Variants in MICAL3 observed in about 807,000 individuals in gnomAD.
MICAL3 encodes microtubule associated monooxygenase, calponin and LIM domain containing 3.
In MICAL3, 62 loss-of-function variants were observed where a neutral mutation model predicts 207.4. That is an observed-to-expected ratio of 0.30 (90% CI 0.24 to 0.37). MICAL3 has a LOEUF of 0.37. MICAL3 is among the 10% of genes least tolerant of loss of function. The pLI, the probability that MICAL3 is intolerant of heterozygous loss-of-function variation, is 1.00. For missense variants in MICAL3, 2,368 were observed against 2,635.6 expected (o/e 0.90, Z 2.22); for synonymous variants, 1,077 against 1,069.3 (o/e 1.01, Z -0.14).
chr22:17,889,500 G>A (rs1930221262), intron 12 of MICAL3, among the ~76,000 whole-genome samples: 1 of 152,176 alleles, frequency 6.6e-6, no homozygotes, highest in Non-Finnish European at 1.5e-5. Flanking sequence ...CATTTTTCTA[G>A]TAACACAAAT....
At chr22:17,992,782 T>C (rs1401219651) in intron 1 of MICAL3, among the ~76,000 whole-genome samples, 1 of 152,208 alleles carries the variant, frequency 6.6e-6, no homozygotes, top group East Asian at 1.9e-4. Context: ...CCTCTTCCTT[T>C]TGCTCCCTGA....
At chr22:17,976,974 T>C (rs1272088094) in intron 1 of MICAL3, among the ~76,000 whole-genome samples, 1 of 151,728 alleles carries the variant, frequency 6.6e-6, no homozygotes, top group Non-Finnish European at 1.5e-5. Context: ...GCCCGGCTAA[T>C]TTTTTGTATT....
chr22:17,901,912 G>C lies in MICAL3; in HGVS notation c.657C>G (p.Ile219Met). 1 of 1,613,786 alleles carries C rather than the reference G, an allele frequency of 6.2e-7. No individual in the cohort carries two copies. The highest frequency in any genetic ancestry group is 8.5e-7 in the Non-Finnish European group (1 of 1,179,834). The change falls in exon 5 of 32, where the codon ATC becomes ATG. Residue 219 changes from isoleucine (I) to methionine (M), a missense_variant. Around this residue, in one of 4 missense-constraint regions of MICAL3, gnomAD observed 400 missense variants for 547.0 expected, o/e 0.73. Transcript: ENST00000441493. ...HPVSEYEFEV[I>M]IGGDGRRNTL... ...TGTTCCTCCGACCATCCCCACCGATGATCACTTCAAATTCATACTCTGACA... is the reference window on the plus strand; with the variant it reads ...TGTTCCTCCGACCATCCCCACCGATCATCACTTCAAATTCATACTCTGACA...
intron 19 of MICAL3, among the ~76,000 whole-genome samples, chr22:17,843,024 A>G (rs914848159): frequency 2.7e-5 from 4 of 150,042 alleles, no homozygotes; most frequent in Admixed American, 1.3e-4. Context: ...GGGAGGCTGA[A>G]GCAGGAGAAT....
intron 19 of MICAL3, among the ~76,000 whole-genome samples, chr22:17,844,125 C>T (rs1569091271): frequency 6.6e-6 from 1 of 152,150 alleles, no homozygotes; most frequent in South Asian, 2.1e-4. Context: ...GGATTACAAG[C>T]GGGAGCCACC....
chr22:17,986,156 C>T (rs1463394798), intron 1 of MICAL3, among the ~76,000 whole-genome samples: 2 of 152,202 alleles, frequency 1.3e-5, no homozygotes, highest in African/African-American at 4.8e-5. Flanking sequence ...CCACACACCT[C>T]GGCCTCCCAA....
intron 1 of MICAL3, among the ~76,000 whole-genome samples, chr22:17,963,827 TG>T (rs1454383321): frequency 6.6e-6 from 1 of 152,184 alleles, no homozygotes; most frequent in African/African-American, 2.4e-5. Flanking sequence ...TAAGATGCCC[TG>T]GTGCAGACAA....
rs1265253338 is a variant in MICAL3 at position 17,816,743 on chromosome 22, C to T, written c.5392G>A (p.Asp1798Asn). The T allele has an allele frequency of 6.4e-7, 1 of 1,552,186 alleles. No individual in the cohort carries two copies. Among genetic ancestry groups the T allele is most frequent in the South Asian group, 1.2e-5 (1 of 84,086 alleles). Residue 1798 changes from aspartate (D) to asparagine (N), a missense_variant, in exon 27 of 32, where the codon GAC (aspartate) becomes AAC (asparagine). By Grantham distance (23) the Asp-to-Asn change is conservative (BLOSUM62 1). Coordinates refer to ENST00000441493, the MANE Select transcript of MICAL3 (RefSeq NM_015241.3). The stretch of plus-strand genomic sequence containing the variant: ...TCAAGGACATCGTCGCTGGAGAGGT[C>T]TGAGTCCTCGGAGAAGCTCAGCTGG... The part of the protein sequence containing the change: ...RRQLSFSEDS[D>N]LSSDDVLEKS...
chr22:17,969,199 C>T (rs1271779543), intron 1 of MICAL3, among the ~76,000 whole-genome samples: 1 of 152,138 alleles, frequency 6.6e-6, no homozygotes, highest in Non-Finnish European at 1.5e-5. Flanking sequence ...GCCACCACAC[C>T]CAGCTAATTT....
At chr22:17,928,887 C>T (rs190723938) in intron 1 of MICAL3, among the ~76,000 whole-genome samples, 20 of 151,904 alleles carry the variant, frequency 1.3e-4, no homozygotes, top group African/African-American at 3.4e-4. Flanking sequence ...CTCCACCTCC[C>T]GGGTTCACGC....
At chr22:17,912,244 T>G (rs561529949) in intron 1 of MICAL3, among the ~76,000 whole-genome samples, 1 of 152,206 alleles carries the variant, frequency 6.6e-6, no homozygotes, top group Non-Finnish European at 1.5e-5. Context: ...TATAGCTTTA[T>G]AGTAAGTTTT....
intron 17 of MICAL3, among the ~76,000 whole-genome samples, chr22:17,867,607 C>T (rs771876565): frequency 5.3e-5 from 8 of 152,200 alleles, no homozygotes; most frequent in Non-Finnish European, 5.9e-5. Context: ...TGACCCAGGC[C>T]GCTCGGCAAC....
At chr22:17,821,860 G>A (rs1921684806) in intron 24 of MICAL3, among the ~76,000 whole-genome samples, 170 bp downstream of exon 24, 1 of 152,256 alleles carries the variant, frequency 6.6e-6, no homozygotes, top group African/African-American at 2.4e-5. Flanking sequence ...AGCAGCCTGT[G>A]GCACAGGGAG....
At chr22:17,978,415 G>C (rs986074067) in intron 1 of MICAL3, among the ~76,000 whole-genome samples, 9 of 152,178 alleles carry the variant, frequency 5.9e-5, no homozygotes, top group African/African-American at 1.7e-4. Flanking sequence ...TAACTCCTAT[G>C]GGTACAAGGC....
At chr22:17,997,898 T>C (rs1922472938) in intron 1 of MICAL3, among the ~76,000 whole-genome samples, 1 of 150,418 alleles carries the variant, frequency 6.6e-6, no homozygotes, top group South Asian at 2.1e-4. Context: ...AAAAGCACAA[T>C]GATCTGGTAT....
intron 1 of MICAL3, among the ~76,000 whole-genome samples, chr22:17,950,419 A>C (rs888521255): frequency 3.1e-5 from 4 of 130,518 alleles, no homozygotes; most frequent in African/African-American, 1.1e-4. Flanking sequence ...GGTTCACTGC[A>C]ACCTCCGCCT....
At chr22:17,860,728 T>C in intron 19 of MICAL3, 1 of 985,410 alleles carries the variant, frequency 1.0e-6, no homozygotes, top group Non-Finnish European at 1.2e-6. Flanking sequence ...CCTAGTCTGC[T>C]CTTGGGGCCC....
At chr22:17,992,563 G>A (rs1602365625) in intron 1 of MICAL3, among the ~76,000 whole-genome samples, 1 of 152,054 alleles carries the variant, frequency 6.6e-6, no homozygotes, top group South Asian at 2.1e-4. Flanking sequence ...CAATAAATGT[G>A]CTGAAAAAAG....
intron 1 of MICAL3, among the ~76,000 whole-genome samples, chr22:18,011,895 A>T (rs527597314): frequency 6.6e-6 from 1 of 150,428 alleles, no homozygotes; most frequent in Admixed American, 6.6e-5. Flanking sequence ...CTGTCTCAAA[A>T]AATAATAATA....
Sources: allele counts gnomAD v4.1 joint callset (sites outside exome capture counted in the v4.1 genomes callset), GRCh38; gene constraint gnomAD v4.1.1; regional missense constraint gnomAD v4.1.1; transcripts MANE v1.5; gene names NCBI Gene and HGNC (gene_info 2026-07-23, HGNC 2026-07-21).